CSMD1: variants seen among roughly 807,000 people sequenced by gnomAD.
CSMD1 encodes CUB and Sushi multiple domains 1.
Under a neutral mutation model 417.5 loss-of-function variants are expected in CSMD1, and 213 were observed. That is an observed-to-expected ratio of 0.51 (90% CI 0.46 to 0.57). The LOEUF is 0.57. Among genes scored for constraint, CSMD1 ranks in the 20% least tolerant of loss-of-function variants. The probability of loss-of-function intolerance (pLI) is 0.00; values close to 1 mark genes in which losing one functional copy is unlikely to be tolerated. For missense variants in CSMD1, 6,923 were observed against 4,529.7 expected, an observed-to-expected ratio of 1.53 and a Z score of -15.17; for synonymous variants, 2,862 against 1,736.8, an observed-to-expected ratio of 1.65 and a Z score of -16.11.
intron 5 of CSMD1, among the ~76,000 whole-genome samples, chr8:3,830,326 G>A (rs11988752): frequency 0.3 from 44,986 of 152,198 alleles, 7,206 homozygotes; most frequent in East Asian, 0.55. Flanking sequence ...TTCACTTGCC[G>A]AATGATTGGT....
At chr8:3,917,234 A>T (rs1054091421) in intron 5 of CSMD1, among the ~76,000 whole-genome samples, 1 of 152,170 alleles carries the variant, frequency 6.6e-6, no homozygotes, top group Non-Finnish European at 1.5e-5. Flanking sequence ...CTGTGGTTGA[A>T]ATGCAACCCT....
intron 56 of CSMD1, 142 bp from the exon 57 acceptor site, chr8:2,973,441 A>T: frequency 1.2e-6 from 1 of 831,262 alleles, no homozygotes; most frequent in Non-Finnish European, 1.9e-6. Context: ...GCAATCTTGT[A>T]AGAAAGAATT....
chr8:4,762,026 A>G (rs979572625), intron 1 of CSMD1, among the ~76,000 whole-genome samples: 1 of 152,040 alleles, frequency 6.6e-6, no homozygotes, highest in African/African-American at 2.4e-5. Context: ...CTTTTAATAT[A>G]TTAAGACTCA....
chr8:4,401,916 T>G (rs531726406), intron 3 of CSMD1, among the ~76,000 whole-genome samples: 1 of 152,228 alleles, frequency 6.6e-6, no homozygotes, highest in South Asian at 2.1e-4. Flanking sequence ...GATCCTCTTA[T>G]TGAAGCCATC....
At chr8:4,733,388 G>A (rs13254205) in intron 1 of CSMD1, among the ~76,000 whole-genome samples, 51,275 of 152,028 alleles carry the variant, frequency 0.34, 9,758 homozygotes, top group Admixed American at 0.45. Flanking sequence ...AGTGACTCAT[G>A]CCCAGAATAA....
In CSMD1 at chr8:3,302,101, C is replaced by T. The variant is rs182645630; in HGVS notation, c.3950+5594G>A. On this transcript the variant is annotated intron_variant, in intron 25 of 69. Transcript: ENST00000635120. The stretch of plus-strand genomic sequence containing the variant: ...CATAACACTGAAGACTAAAGTCTCC[C>T]GCCCCTTGGAGGGAGACAGTAACAC... Among the ~76,000 whole-genome samples the T allele has an allele frequency of 2.2e-3, 332 of 152,092 alleles. 1 individual carries two copies. The highest frequency in any genetic ancestry group is 4.8e-3 in the South Asian group (23 of 4,804).
chr8:4,007,841 G>A (rs953513803), intron 4 of CSMD1, among the ~76,000 whole-genome samples: 50 of 152,058 alleles, frequency 3.3e-4, no homozygotes, highest in Non-Finnish European at 6.3e-4. Flanking sequence ...TCCTCTCTAA[G>A]AATAGAAGAA....
At chr8:4,800,954 A>G (rs769407545) in intron 1 of CSMD1, among the ~76,000 whole-genome samples, 1 of 152,224 alleles carries the variant, frequency 6.6e-6, no homozygotes, top group Non-Finnish European at 1.5e-5. Flanking sequence ...TATTTTTTAA[A>G]AGCAGACTTC....
At chr8:4,072,478 G>C (rs1191170688) in intron 3 of CSMD1, among the ~76,000 whole-genome samples, 2 of 152,142 alleles carry the variant, frequency 1.3e-5, no homozygotes, top group Admixed American at 6.5e-5. Context: ...CACTTGTAGT[G>C]AAGGGAATTG....
intron 1 of CSMD1, among the ~76,000 whole-genome samples, chr8:4,928,914 T>TA (rs1807054329): frequency 6.6e-6 from 1 of 151,806 alleles, no homozygotes; most frequent in Admixed American, 6.6e-5. Context: ...ACTAAAAATA[T>TA]AAAAAATTTA....
At chr8:3,565,023 G>A (rs1222458203) in intron 10 of CSMD1, among the ~76,000 whole-genome samples, 1 of 132,342 alleles carries the variant, frequency 7.6e-6, no homozygotes, top group Non-Finnish European at 1.6e-5. Flanking sequence ...AAGCACCATG[G>A]CACACATTTA....
At position 3,830,702 on chromosome 8, in the gene CSMD1, C is replaced by T. The variant is rs77277324; in HGVS notation, c.819-76660G>A. 9.2e-3 allele frequency among the ~76,000 whole-genome samples: 1,396 copies of T among 152,254 alleles called. 33 individuals carry two copies. Among genetic ancestry groups the T allele is most frequent in the African/African-American group, 0.031 (1,275 of 41,546 alleles). On this transcript the variant is annotated intron_variant, in intron 5 of 69. Transcript: ENST00000635120. ...AGAGAGAAAAAAAATGCCCCAATTC[C>T]TCCCAGACCTGCTGAACTTTGTGTT...
At chr8:3,962,366 G>C (rs13257659) in intron 5 of CSMD1, among the ~76,000 whole-genome samples, 3,988 of 152,294 alleles carry the variant, frequency 0.026, 73 homozygotes, top group South Asian at 0.045. Context: ...CACTAGAGCA[G>C]AGTCAGGCAG....
intron 48 of CSMD1, among the ~76,000 whole-genome samples, chr8:3,088,405 A>C (rs1814692671): frequency 6.6e-6 from 1 of 152,194 alleles, no homozygotes; most frequent in South Asian, 2.1e-4. Context: ...TAGATCTTCC[A>C]CTTCCCTCTG....
intron 2 of CSMD1, among the ~76,000 whole-genome samples, chr8:4,455,981 AAGAC>A (rs1342133496): frequency 7.3e-6 from 1 of 136,202 alleles, no homozygotes; most frequent in Non-Finnish European, 1.6e-5. Flanking sequence ...AAGATATTAG[AAGAC>A]AAACAATAAA....
chr8:4,095,993 G>A (rs983726439), intron 3 of CSMD1, among the ~76,000 whole-genome samples: 1 of 152,176 alleles, frequency 6.6e-6, no homozygotes, highest in African/African-American at 2.4e-5. Context: ...AAAACCCAGA[G>A]TTGTCAGAAA....
At chr8:4,507,713 G>A (rs1802600579) in intron 2 of CSMD1, among the ~76,000 whole-genome samples, 1 of 152,130 alleles carries the variant, frequency 6.6e-6, no homozygotes, top group African/African-American at 2.4e-5. Flanking sequence ...AAGAGAAAAT[G>A]ACATTTTCAA....
At chr8:4,173,184 C>G (rs1201899890) in intron 3 of CSMD1, among the ~76,000 whole-genome samples, 2 of 152,098 alleles carry the variant, frequency 1.3e-5, no homozygotes, top group Non-Finnish European at 2.9e-5. Context: ...ATACAGGATG[C>G]TCAATTAAAA....
chr8:4,966,550 G>C (rs913132440), intron 1 of CSMD1, among the ~76,000 whole-genome samples: 3 of 152,192 alleles, frequency 2.0e-5, no homozygotes, highest in Non-Finnish European at 2.9e-5. Flanking sequence ...CCATCTGAGA[G>C]TGACTGATGT....
Sources: allele counts gnomAD v4.1 joint callset (sites outside exome capture counted in the v4.1 genomes callset), GRCh38; gene constraint gnomAD v4.1.1; transcripts MANE v1.5; gene names NCBI Gene and HGNC (gene_info 2026-07-23, HGNC 2026-07-21).